Variants in LDB2 observed in about 807,000 individuals in gnomAD.
LDB2 encodes the protein LIM domain-binding protein 2.
A neutral mutation model predicts 44.3 loss-of-function variants in LDB2; 12 were observed. The observed-to-expected ratio is 0.27, with a 90% CI of 0.17 to 0.44. The LOEUF is 0.44. LDB2 is among the 20% of genes least tolerant of loss of function. The pLI, the probability that LDB2 is intolerant of heterozygous loss-of-function variation, is 1.00. For missense variants in LDB2, 344 were observed against 473.5 expected, an observed-to-expected ratio of 0.73 and a Z score of 2.54; for synonymous variants, 164 against 174.8, an observed-to-expected ratio of 0.94 and a Z score of 0.49.
chr4:16,509,325 A>C (rs1163421514), intron 6 of LDB2, among the ~76,000 whole-genome samples: 11 of 152,206 alleles, frequency 7.2e-5, no homozygotes, highest in Non-Finnish European at 5.9e-5. Context: ...AATAAATGCT[A>C]CTAATTCCAA....
intron 2 of LDB2, among the ~76,000 whole-genome samples, chr4:16,730,569 T>C (rs1441055956): frequency 6.6e-6 from 1 of 152,198 alleles, no homozygotes; most frequent in African/African-American, 2.4e-5. Context: ...ATCTCATTTA[T>C]TCCTCCCCCA....
intron 2 of LDB2, among the ~76,000 whole-genome samples, chr4:16,637,181 G>A (rs571665927): frequency 6.6e-6 from 1 of 152,024 alleles, no homozygotes; most frequent in East Asian, 1.9e-4. Flanking sequence ...CTTTTGTGGA[G>A]TCTAAAGGAA....
chr4:16,535,220 G>T (rs1013201009), intron 5 of LDB2, among the ~76,000 whole-genome samples: 1 of 152,164 alleles, frequency 6.6e-6, no homozygotes, highest in Non-Finnish European at 1.5e-5. Flanking sequence ...AGGCAGGAGA[G>T]ACCCTCATCT....
intron 1 of LDB2, among the ~76,000 whole-genome samples, chr4:16,825,098 AAG>A (rs758709223): frequency 2.0e-5 from 3 of 152,186 alleles, no homozygotes; most frequent in Non-Finnish European, 4.4e-5. Flanking sequence ...GGTGGCTGGA[AAG>A]AGAGACCCTG....
chr4:16,890,622 GA>G (rs1723097232), intron 1 of LDB2, among the ~76,000 whole-genome samples: 1 of 152,174 alleles, frequency 6.6e-6, no homozygotes, highest in South Asian at 2.1e-4. Context: ...TATGCTCCAG[GA>G]CAGACCATAC....
At chr4:16,527,656 TG>T (rs1286823576) in intron 5 of LDB2, among the ~76,000 whole-genome samples, 1 of 152,098 alleles carries the variant, frequency 6.6e-6, no homozygotes, top group Admixed American at 6.5e-5. Context: ...ATTGCGAAAA[TG>T]TGGAACCAGC....
chr4:16,838,740 T>C (rs1318160707), intron 1 of LDB2, among the ~76,000 whole-genome samples: 1 of 152,208 alleles, frequency 6.6e-6, no homozygotes, highest in African/African-American at 2.4e-5. Context: ...GAAAAGGACA[T>C]TAATCTGTTA....
intron 2 of LDB2, among the ~76,000 whole-genome samples, chr4:16,667,232 G>A (rs562078644): frequency 6.6e-6 from 1 of 152,270 alleles, no homozygotes; most frequent in South Asian, 2.1e-4. Context: ...CCAAGGAAAG[G>A]TATTTTCATC....
intron 5 of LDB2, among the ~76,000 whole-genome samples, chr4:16,556,717 C>A (rs2152364103): frequency 6.6e-6 from 1 of 152,232 alleles, no homozygotes; most frequent in Admixed American, 6.5e-5. Flanking sequence ...GAACTGACTC[C>A]ATGTAAATAA....
At chr4:16,790,996 T>A (rs1317878003) in intron 1 of LDB2, among the ~76,000 whole-genome samples, 1 of 152,146 alleles carries the variant, frequency 6.6e-6, no homozygotes, top group African/African-American at 2.4e-5. Flanking sequence ...CTCAGCAACT[T>A]CTATTTTCTA....
intron 2 of LDB2, among the ~76,000 whole-genome samples, chr4:16,654,883 C>T (rs1739346975): frequency 6.6e-6 from 1 of 152,012 alleles, no homozygotes; most frequent in Non-Finnish European, 1.5e-5. Context: ...ATTTGGTTCT[C>T]TTTAATATTT....
At chr4:16,650,917 C>T (rs1050938806) in intron 2 of LDB2, among the ~76,000 whole-genome samples, 3 of 152,234 alleles carry the variant, frequency 2.0e-5, no homozygotes, top group African/African-American at 7.2e-5. Context: ...AATGTGAAAA[C>T]CCTTCTAGAA....
intron 2 of LDB2, among the ~76,000 whole-genome samples, chr4:16,702,883 T>C (rs1160486949): frequency 6.6e-6 from 1 of 152,202 alleles, no homozygotes; most frequent in African/African-American, 2.4e-5. Flanking sequence ...TTATAGCCCT[T>C]GAATGCCTAT....
At chr4:16,652,207 A>C (rs1043668985) in intron 2 of LDB2, among the ~76,000 whole-genome samples, 21 of 152,136 alleles carry the variant, frequency 1.4e-4, no homozygotes, top group African/African-American at 5.1e-4. Context: ...TTGCCCTCCC[A>C]AAGTGTTATG....
intron 5 of LDB2, among the ~76,000 whole-genome samples, chr4:16,548,518 G>A (rs1318489754): frequency 6.6e-6 from 1 of 152,120 alleles, no homozygotes; most frequent in East Asian, 1.9e-4. Flanking sequence ...CTATTAGATT[G>A]TCAGCTCTTC....
chr4:16,748,068 A>C (rs1764734262), intron 2 of LDB2, among the ~76,000 whole-genome samples: 1 of 152,210 alleles, frequency 6.6e-6, no homozygotes, highest in East Asian at 1.9e-4. Context: ...AATGGAGAAC[A>C]AATTTTGATG....
chr4:16,682,326 A>G (rs565219563), intron 2 of LDB2, among the ~76,000 whole-genome samples: 1 of 152,322 alleles, frequency 6.6e-6, no homozygotes, highest in East Asian at 1.9e-4. Context: ...AAGGATTATT[A>G]GAGATAGAAA....
chr4:16,745,077 C>T (rs1465789543), intron 2 of LDB2, among the ~76,000 whole-genome samples: 1 of 152,176 alleles, frequency 6.6e-6, no homozygotes, highest in Admixed American at 6.5e-5. Context: ...ATGGTAACTG[C>T]AGGACAGGGT....
intron 2 of LDB2, among the ~76,000 whole-genome samples, chr4:16,643,875 T>C (rs1179980818): frequency 1.3e-5 from 2 of 152,234 alleles, no homozygotes; most frequent in Non-Finnish European, 2.9e-5. Context: ...TACAGAGTCT[T>C]GAGATGCATT....
Sources: gnomAD v4.1 joint callset for allele counts (sites outside exome capture counted in the v4.1 genomes callset) on GRCh38, gnomAD v4.1.1 for gene constraint, MANE v1.5 for transcripts, NCBI Gene and HGNC (gene_info 2026-07-23, HGNC 2026-07-21) for gene names.